The following NAP1L4 variants were observed in gnomAD, a reference collection of about 807,000 sequenced individuals.
The protein encoded by NAP1L4 is nucleosome assembly protein 1 like 4, also known as nucleosome assembly protein 1-like 4.
A neutral mutation model predicts 58.2 loss-of-function variants in NAP1L4; 15 were observed. The ratio of observed to expected loss-of-function variants is 0.26; its 90% confidence interval spans 0.17 to 0.40. The LOEUF (loss-of-function observed/expected upper bound fraction) is 0.40. NAP1L4 is among the 10% of genes least tolerant of loss of function. The pLI is 1.00. For missense variants in NAP1L4, 384 were observed against 451.1 expected (o/e 0.85, Z 1.35); for synonymous variants, 171 against 155.6 (o/e 1.10, Z -0.74).
rs753517531 is a variant in NAP1L4 at position 2,964,796 on chromosome 11, C to A, written c.535-45G>T. The A allele has an allele frequency of 4.3e-6, 6 of 1,398,648 alleles. No individual in the cohort carries two copies. In the African/African-American group the frequency reaches 7.1e-5, roughly 17 times the overall value. 86.6% of individuals were successfully genotyped at this position (1,398,648 alleles called of 1,614,324 possible). ...AAATTCCAACAGGCTTTTAAAAAAA[C>A]AACACATCTCTCCCGAAGAGTCATG... On this transcript the variant is annotated intron_variant, in intron 7 of 15. Coordinates refer to ENST00000380542, the MANE Select transcript of NAP1L4 (RefSeq NM_005969.4).
rs773143682 is a variant in NAP1L4, at chr11:2,951,212, A to G, written c.1122+47T>C. 2.1e-6 allele frequency: 3 copies of G among 1,459,982 alleles called. No homozygotes were observed. The highest frequency in any genetic ancestry group is 2.3e-5 in the South Asian group (2 of 86,066). The allele number at this position is 1,459,982 out of a possible 1,614,324, so 90.4% of individuals were successfully genotyped here. A position where few individuals can be genotyped will look rare whatever the true frequency, so the allele number is the denominator to read the frequency against. ...AGTGGGGAACATTTTTAAAAGTCTAAGAGTGCAGCATAATAAGTAGGTCTG... is the reference window on the plus strand; with the variant it reads ...AGTGGGGAACATTTTTAAAAGTCTAGGAGTGCAGCATAATAAGTAGGTCTG... On this transcript the variant is annotated intron_variant, in intron 14 of 15. Transcript: ENST00000380542. The surrounding 1 kb of genome is among the most constrained non-coding windows in gnomAD (Gnocchi z 4.0).
At position 2,945,568 on chromosome 11, in the gene NAP1L4, A is replaced by G. The variant is rs1236691103; in HGVS notation, c.*111T>C. The G allele has an allele frequency of 1.9e-5, 29 of 1,528,924 alleles. No individual in the cohort carries two copies. Among genetic ancestry groups the G allele is most frequent in the Non-Finnish European group, 2.5e-5 (28 of 1,140,660 alleles). The allele number at this position is 1,528,924 out of a possible 1,614,324, so 94.7% of individuals were successfully genotyped here. A position where few individuals can be genotyped will look rare whatever the true frequency, so the allele number is the denominator to read the frequency against. ...ACCGAGGCCCCGCCCACAGGCCTGG[A>G]GTCCCGACAGCCGGTCTGCCAGGCA... On this transcript the variant is annotated 3_prime_UTR_variant, in exon 16 of 16. Coordinates refer to ENST00000380542, the MANE Select transcript of NAP1L4 (RefSeq NM_005969.4).
At chr11:2,963,334 G>A (rs867160600) in intron 8 of NAP1L4, among the ~76,000 whole-genome samples, 17 of 152,216 alleles carry the variant, frequency 1.1e-4, no homozygotes, top group Admixed American at 3.9e-4. Flanking sequence ...GTGCCCAGGC[G>A]GCTCCTGGGG....
chr11:2,952,033 AG>A (rs1846255883), intron 12 of NAP1L4: 1 of 609,316 alleles, frequency 1.6e-6, no homozygotes, highest in Middle Eastern at 4.3e-4. Flanking sequence ...GGAATAGGAT[AG>A]GAAGCTGGTC....
chr11:2,959,479 G>T lies in NAP1L4; in HGVS notation c.746+291C>A, dbSNP rs572959809. On this transcript the variant is annotated intron_variant, in intron 9 of 15. Transcript: ENST00000380542. This position sits in a 1 kb window ranked among gnomAD's most constrained non-coding sequence, Gnocchi z 4.9. ...TTCAATTTTAAGAACTTCAATTCAC[G>T]ATGTCTAGAGAATCCACTACTTTCA... 6.6e-6 allele frequency among the ~76,000 whole-genome samples: 1 copy of T among 152,104 alleles called. No homozygotes were observed. The highest frequency in any genetic ancestry group is 2.1e-4 in the South Asian group (1 of 4,834).
intron 7 of NAP1L4, 65 bp from the exon 8 acceptor site, chr11:2,964,816 G>C: frequency 8.1e-7 from 1 of 1,234,302 alleles, no homozygotes; most frequent in Non-Finnish European, 1.2e-6. Flanking sequence ...CTCCCGAAGA[G>C]TCATGGTTGC....
chr11:2,978,451 C>T (rs188070113), intron 2 of NAP1L4, 109 bp from the exon 3 acceptor site: 74 of 1,018,110 alleles, frequency 7.3e-5, no homozygotes, highest in Non-Finnish European at 9.7e-5. Context: ...TGTACAGTGA[C>T]GTCAGATTTG....
chr11:2,973,637 C>A (rs1158213728), intron 4 of NAP1L4, among the ~76,000 whole-genome samples: 1 of 152,130 alleles, frequency 6.6e-6, no homozygotes, highest in Non-Finnish European at 1.5e-5. Context: ...TTAGTTTAAG[C>A]AAAGACTCTC....
chr11:2,991,770 TAAAG>T (rs1848988222), intron 1 of NAP1L4: 1 of 152,200 alleles, frequency 6.6e-6, no homozygotes, highest in Non-Finnish European at 1.5e-5. Flanking sequence ...AAACATCTAA[TAAAG>T]AAGTCCTGGA....
chr11:2,966,783 T>C (rs1386045020), intron 7 of NAP1L4, among the ~76,000 whole-genome samples: 1 of 152,206 alleles, frequency 6.6e-6, no homozygotes, highest in African/African-American at 2.4e-5. Context: ...GAGATGGCAC[T>C]GGGACTTCAA....
rs184714665 is a variant in NAP1L4 at position 2,976,996 on chromosome 11, C to T, written c.74-873G>A. On this transcript the variant is annotated intron_variant, in intron 3 of 15. Coordinates refer to ENST00000380542, the MANE Select transcript of NAP1L4 (RefSeq NM_005969.4). ...AGTATTCTCCCATCCCGAGTATTCT[C>T]CCATGATGTGGGTAAGTCAAACACA... Among the ~76,000 whole-genome samples, 156 of 152,150 alleles carry T rather than the reference C, an allele frequency of 1.0e-3. 2 individuals carry two copies. In the East Asian group the frequency reaches 0.02, roughly 20 times the overall value.
At position 2,944,512 on chromosome 11, in the gene NAP1L4, T is replaced by C. The variant is rs1845837468; in HGVS notation, c.*1167A>G. The C allele has an allele frequency of 6.6e-6, 1 of 152,286 alleles. No individual in the cohort carries two copies. Among genetic ancestry groups the C allele is most frequent in the African/African-American group, 2.4e-5 (1 of 41,464 alleles). 9.4% of individuals were successfully genotyped at this position (152,286 alleles called of 1,614,324 possible). A position where few individuals can be genotyped will look rare whatever the true frequency, so the allele number is the denominator to read the frequency against. ...AAAACACTGTATTCAGTTACAAATG[T>C]GTTCTAAGGTTAGGCCGAGCACTCT... On this transcript the variant is annotated 3_prime_UTR_variant, in exon 16 of 16. Transcript: ENST00000380542.
Position 2,951,366 on chromosome 11 carries a change from TGG to T in NAP1L4, c.1066-53_1066-52del. On this transcript the variant is annotated intron_variant, in intron 13 of 15. Transcript: ENST00000380542. The surrounding 1 kb of genome is among the most constrained non-coding windows in gnomAD (Gnocchi z 4.0). ...TGGAATGACAAGATTTAAACTCTTG[TGG>T]CATTCACAATCCACAAACACAAGGA... is the stretch of plus-strand genomic sequence containing the variant. 6.6e-7 allele frequency: 1 copy of T among 1,526,132 alleles called. No individual in the cohort carries two copies. The highest frequency in any genetic ancestry group is 9.1e-7 in the Non-Finnish European group (1 of 1,100,632). 94.5% of individuals were successfully genotyped at this position (1,526,132 alleles called of 1,614,324 possible). A position where few individuals can be genotyped will look rare whatever the true frequency, so the allele number is the denominator to read the frequency against.
chr11:2,956,854 T>C (rs930459414), intron 10 of NAP1L4, among the ~76,000 whole-genome samples: 13 of 152,238 alleles, frequency 8.5e-5, no homozygotes, highest in Non-Finnish European at 1.9e-4. Context: ...GGAGTCCATT[T>C]TGTCTGTTCC....
At chr11:2,969,422 G>C (rs371181094) in intron 7 of NAP1L4, among the ~76,000 whole-genome samples, 100 of 151,976 alleles carry the variant, frequency 6.6e-4, no homozygotes, top group Middle Eastern at 6.8e-3. Context: ...ATTCTGCTCT[G>C]GTCTCCTGCC....
intron 1 of NAP1L4, chr11:2,989,894 T>G (rs1848852979): frequency 6.6e-6 from 1 of 152,218 alleles, no homozygotes; most frequent in Non-Finnish European, 1.5e-5. Flanking sequence ...TACAGAAGAA[T>G]CTGATGGCTA....
rs972707683 is a variant in NAP1L4, at chr11:2,954,989, T to C, written c.916-343A>G. On this transcript the variant is annotated intron_variant, in intron 11 of 15. Transcript: ENST00000380542. The surrounding 1 kb of genome is among the most constrained non-coding windows in gnomAD (Gnocchi z 4.8). ...CACATTTGCTACTGAAATCAACATA[T>C]GAAACACATACTTTTACTTAGATGT... Among the ~76,000 whole-genome samples, 3 of 152,128 alleles carry C rather than the reference T, an allele frequency of 2.0e-5. No homozygotes were observed. The highest frequency in any genetic ancestry group is 7.2e-5 in the African/African-American group (3 of 41,422).
rs75057889 is a variant in NAP1L4 at position 2,946,172 on chromosome 11, C to T, written c.*33-526G>A. Among the ~76,000 whole-genome samples, 2,901 of 152,248 alleles carry T rather than the reference C, an allele frequency of 0.019. 84 individuals are homozygous for T. The highest frequency in any genetic ancestry group is 0.066 in the African/African-American group (2,731 of 41,530). ...CTCTTTGTACTACCAGGGAGCGCCC[C>T]GGCAGATCCATCCTCTTCTGGTGGC... On this transcript the variant is annotated intron_variant, in intron 15 of 15. Transcript: ENST00000380542. The surrounding 1 kb of genome is among the most constrained non-coding windows in gnomAD (Gnocchi z 4.8).
chr11:2,989,068 T>C (rs1462176590), intron 1 of NAP1L4: 3 of 152,242 alleles, frequency 2.0e-5, no homozygotes, highest in African/African-American at 7.2e-5. Context: ...GGGTTTTCCA[T>C]TACTATATGC....
Sources: allele counts gnomAD v4.1 joint callset (sites outside exome capture counted in the v4.1 genomes callset), GRCh38; gene constraint gnomAD v4.1.1; non-coding constraint Gnocchi (gnomAD v3.1); transcripts MANE v1.5; gene names NCBI Gene and HGNC (gene_info 2026-07-23, HGNC 2026-07-21).